TANC1: variants seen among roughly 807,000 people sequenced by gnomAD.
The protein encoded by TANC1 is protein TANC1.
TANC1 carries 77 observed loss-of-function variants against 149.7 expected under a neutral mutation model. The ratio of observed to expected loss-of-function variants is 0.51; its 90% CI spans 0.43 to 0.62. The LOEUF (loss-of-function observed/expected upper bound fraction) is 0.62, where lower values mean the gene tolerates loss of function less well. TANC1 is among the 20% of genes least tolerant of loss of function. The pLI is 0.00. For synonymous variants in TANC1, 854 were observed against 925.0 expected (o/e 0.92, Z 1.39); for missense variants, 1,985 against 2,321.8 (o/e 0.85, Z 2.98).
chr2:158,988,985 C>A (rs1432520033), intron 1 of TANC1, among the ~76,000 whole-genome samples: 3 of 152,032 alleles, frequency 2.0e-5, no homozygotes, highest in Non-Finnish European at 4.4e-5. Context: ...GTCCAAAGGT[C>A]AGTTTTAATG....
chr2:159,163,615 A>T, intron 8 of TANC1, 69 bp downstream of exon 8: 1 of 1,512,728 alleles, frequency 6.6e-7, no homozygotes, highest in Non-Finnish European at 9.0e-7. Context: ...CACTGTCTTC[A>T]CATGGGAAGA....
chr2:159,058,729 C>A (rs2149644698), intron 2 of TANC1, among the ~76,000 whole-genome samples: 2 of 152,298 alleles, frequency 1.3e-5, no homozygotes, highest in African/African-American at 4.8e-5. Context: ...TTTATCGTCT[C>A]CTCCAAAAGT....
At position 159,176,907 on chromosome 2, in the gene TANC1, AT is replaced by A. The variant is rs10647127; in HGVS notation, c.1902+409del. ...TTGAAGGGAAAAATGAAGGTGAAAGATTTTTTTTTTTTTTTTTTTTGAGATA... is the reference window on the plus strand; with the variant it reads ...TTGAAGGGAAAAATGAAGGTGAAAGATTTTTTTTTTTTTTTTTTTGAGATA... On this transcript the variant is annotated intron_variant, in intron 13 of 26. Transcript: ENST00000263635. 8.8e-5 allele frequency among the ~76,000 whole-genome samples: 9 copies of A among 102,016 alleles called. No homozygotes were observed. In the South Asian group the frequency reaches 3.0e-3, roughly 34 times the overall value. 66.9% of individuals were successfully genotyped at this position (102,016 alleles called of 152,430 possible). A position where few individuals can be genotyped will look rare whatever the true frequency, so the allele number is the denominator to read the frequency against.
chr2:159,218,006 C>A (rs562753701), intron 20 of TANC1, among the ~76,000 whole-genome samples: 1 of 152,326 alleles, frequency 6.6e-6, no homozygotes, highest in African/African-American at 2.4e-5. Flanking sequence ...CTTTTGTGCT[C>A]TTTGGAAAAG....
intron 16 of TANC1, among the ~76,000 whole-genome samples, chr2:159,191,285 TTCTTC>T (rs2057423798): frequency 6.6e-6 from 1 of 152,202 alleles, no homozygotes; most frequent in Non-Finnish European, 1.5e-5. Flanking sequence ...CTGTTTGCCT[TTCTTC>T]TCTGTGAACT....
rs1390955938 is a variant in TANC1, at chr2:159,224,350, A to C, written c.3797A>C (p.Lys1266Thr). 1 of 1,614,184 alleles carries C rather than the reference A, an allele frequency of 6.2e-7. No homozygotes were observed. The highest frequency in any genetic ancestry group is 1.7e-5 in the Admixed American group (1 of 60,028). ...NTSVVVALLR[K>T]GAKLGNAAWA... ...TCTGTAGTGGTGGCGCTACTCAGAA[A>C]GGGAGCCAAGTTAGGTCAGTGAGCA... is the stretch of plus-strand genomic sequence containing the variant. Residue 1266 changes from lysine (K) to threonine (T), a missense_variant, in exon 23 of 27, where the codon AAG becomes ACG. Transcript: ENST00000263635.
chr2:159,012,070 G>A (rs1472056083), intron 2 of TANC1, among the ~76,000 whole-genome samples: 1 of 152,172 alleles, frequency 6.6e-6, no homozygotes, highest in Non-Finnish European at 1.5e-5. Context: ...CTAGAGGGGT[G>A]CTGTCCTCAT....
In TANC1 at chr2:159,065,803, G is replaced by C. The variant is rs1355201320; in HGVS notation, c.-15-93G>C. The C allele has an allele frequency of 3.0e-6, 3 of 999,472 alleles. No individual in the cohort carries two copies. The African/African-American group carries it at 4.8e-5, about 16-fold the overall frequency. The allele number at this position is 999,472 out of a possible 1,614,324, so 61.9% of individuals were successfully genotyped here. A position where few individuals can be genotyped will look rare whatever the true frequency, so the allele number is the denominator to read the frequency against. On this transcript the variant is annotated intron_variant, in intron 2 of 26. Transcript: ENST00000263635. Reference sequence around the variant, plus strand: ...TACCTTAATATTAAGCGGTCTGTTTGTTTGAACACAAGTTACCTCTTTTGT... The same window carrying C: ...TACCTTAATATTAAGCGGTCTGTTTCTTTGAACACAAGTTACCTCTTTTGT...
chr2:159,194,109 T>TTAATATATTCCCAGGTGATACTGG, intron 16 of TANC1, 148 bp from the exon 17 acceptor site: 3 of 680,450 alleles, frequency 4.4e-6, no homozygotes, highest in Non-Finnish European at 8.0e-6. Flanking sequence ...ATGTGCATTG[T>TTAATATATTCCCAGGTGATACTGG]TAATATATTC....
At chr2:159,099,418 G>A (rs1028060542) in intron 4 of TANC1, among the ~76,000 whole-genome samples, 1 of 151,782 alleles carries the variant, frequency 6.6e-6, no homozygotes, top group East Asian at 1.9e-4. Flanking sequence ...TTCCCAAAAA[G>A]TATGCACAGT....
At position 159,194,500 on chromosome 2, in the gene TANC1, G is replaced by A. The variant is rs1011256695; in HGVS notation, c.2979+7G>A. The A allele has an allele frequency of 4.4e-6, 7 of 1,608,364 alleles. No individual in the cohort carries two copies. Among genetic ancestry groups the A allele is most frequent in the East Asian group, 4.5e-5 (2 of 44,850 alleles). On this transcript the variant is annotated splice_region_variant and intron_variant, in intron 17 of 26. Coordinates refer to ENST00000263635, the MANE Select transcript of TANC1 (RefSeq NM_033394.3). Reference sequence around the variant, plus strand: ...GACCAAGAAGGGAGTGAGAGTAAGCGGCAGCCTGCTCTTTTGGGGCTGGGG... The same window carrying A: ...GACCAAGAAGGGAGTGAGAGTAAGCAGCAGCCTGCTCTTTTGGGGCTGGGG...
chr2:159,097,583 C>T, intron 3 of TANC1, 54 bp from the exon 4 acceptor site: 3 of 1,360,332 alleles, frequency 2.2e-6, no homozygotes, highest in Admixed American at 1.7e-5. Flanking sequence ...GTTAAATTTG[C>T]ATCAACTTAT....
chr2:158,996,981 CA>C (rs1166208435), intron 1 of TANC1, among the ~76,000 whole-genome samples: 3,269 of 118,106 alleles, frequency 0.028, 32 homozygotes, highest in Middle Eastern at 0.057. Context: ...CAGACTGTGG[CA>C]AAAAAAAAAA....
At chr2:159,088,271 G>A (rs1291549430) in intron 3 of TANC1, among the ~76,000 whole-genome samples, 2 of 152,102 alleles carry the variant, frequency 1.3e-5, no homozygotes, top group Admixed American at 6.5e-5. Flanking sequence ...GGAAACCTGT[G>A]ATAATTTTTC....
intron 14 of TANC1, among the ~76,000 whole-genome samples, chr2:159,184,792 A>G (rs891766435): frequency 6.6e-6 from 1 of 152,208 alleles, no homozygotes; most frequent in African/African-American, 2.4e-5. Context: ...TCAGGCCATT[A>G]CAAGACAATG....
chr2:158,991,042 A>T (rs780485892), intron 1 of TANC1, among the ~76,000 whole-genome samples: 6 of 138,346 alleles, frequency 4.3e-5, no homozygotes, highest in Non-Finnish European at 7.7e-5. Flanking sequence ...TGGTGAGCTG[A>T]GATTGCGCCA....
chr2:159,044,327 A>T (rs1013986205), intron 2 of TANC1, among the ~76,000 whole-genome samples: 3 of 151,652 alleles, frequency 2.0e-5, no homozygotes, highest in African/African-American at 7.3e-5. Flanking sequence ...GTCCCAAGCT[A>T]CTCGGGAGGC....
At chr2:158,972,277 C>A (rs1433078662) in intron 1 of TANC1, among the ~76,000 whole-genome samples, 3 of 152,204 alleles carry the variant, frequency 2.0e-5, no homozygotes, top group Non-Finnish European at 4.4e-5. Flanking sequence ...ATGAACATAT[C>A]ATTTGCCTTT....
chr2:159,143,093 A>AAAACAAAAAAAAC (rs372532404), intron 5 of TANC1, among the ~76,000 whole-genome samples: 1 of 146,568 alleles, frequency 6.8e-6, no homozygotes, highest in African/African-American at 2.5e-5. Context: ...AAAACAAAAC[A>AAAACAAAAAAAAC]AAAAAAAACA....
Sources: allele counts gnomAD v4.1 joint callset (sites outside exome capture counted in the v4.1 genomes callset), GRCh38; gene constraint gnomAD v4.1.1; transcripts MANE v1.5; gene names NCBI Gene and HGNC (gene_info 2026-07-23, HGNC 2026-07-21).